The following TTC12 variants were observed in gnomAD, a reference collection of about 807,000 sequenced individuals.
TTC12 encodes tetratricopeptide repeat domain 12, also known as tetratricopeptide repeat protein 12.
In TTC12, 70 loss-of-function variants were observed where a neutral mutation model predicts 90.1. That is an observed-to-expected ratio of 0.78 (90% CI 0.64 to 0.95). The LOEUF (loss-of-function observed/expected upper bound fraction) is 0.95. TTC12 is among the 40% of genes least tolerant of loss of function. The pLI, the probability that TTC12 is intolerant of heterozygous loss-of-function variation, is 0.00. For synonymous variants in TTC12, 296 were observed against 311.5 expected, an observed-to-expected ratio of 0.95 and a Z score of 0.53; for missense variants, 819 against 846.1, an observed-to-expected ratio of 0.97 and a Z score of 0.40.
chr11:113,317,783 T>G (rs1947036207), intron 2 of TTC12, among the ~76,000 whole-genome samples: 1 of 148,788 alleles, frequency 6.7e-6, no homozygotes, highest in Non-Finnish European at 1.5e-5. Flanking sequence ...TCTTTGCCAT[T>G]CCCACTGCCT....
intron 20 of TTC12, 78 bp downstream of exon 20, chr11:113,364,005 G>A (rs1950078463): frequency 1.1e-5 from 11 of 959,932 alleles, no homozygotes; most frequent in South Asian, 7.4e-5. Context: ...AACTGTGGTC[G>A]AGGAGGAACT....
At chr11:113,338,878 C>A in intron 9 of TTC12, 44 bp downstream of exon 9, 1 of 1,557,134 alleles carries the variant, frequency 6.4e-7, no homozygotes, top group Non-Finnish European at 8.9e-7. Flanking sequence ...ACTCCACCTC[C>A]CTCTGCCCCC....
intron 9 of TTC12, among the ~76,000 whole-genome samples, chr11:113,339,049 C>T (rs955862200): frequency 3.3e-5 from 5 of 152,178 alleles, no homozygotes; most frequent in Non-Finnish European, 7.3e-5. Context: ...TCATTTTCTA[C>T]ACCATCCTCC....
intron 12 of TTC12, 55 bp from the exon 13 acceptor site, chr11:113,344,217 C>A (rs2138008396): frequency 2.6e-6 from 4 of 1,549,836 alleles, no homozygotes; most frequent in African/African-American, 2.7e-5. Context: ...GGTGACAGAG[C>A]TAGTTTAATT....
chr11:113,337,308 A>G (rs922576723), intron 8 of TTC12, among the ~76,000 whole-genome samples: 11 of 152,266 alleles, frequency 7.2e-5, no homozygotes, highest in Admixed American at 2.0e-4. Flanking sequence ...AAGGGTGACC[A>G]GGAGACAAAA....
intron 6 of TTC12, among the ~76,000 whole-genome samples, chr11:113,328,162 G>T (rs561557839): frequency 6.6e-6 from 1 of 152,278 alleles, no homozygotes; most frequent in East Asian, 1.9e-4. Context: ...CCCTGGAAAA[G>T]CCACCACTCC....
rs146913993 is a variant in TTC12, at chr11:113,323,723, G to A, written c.223-271G>A. 4.5e-4 allele frequency among the ~76,000 whole-genome samples: 69 copies of A among 152,112 alleles called. No homozygotes were observed. In the East Asian group the frequency reaches 0.013, roughly 28 times the overall value. On this transcript the variant is annotated intron_variant, in intron 3 of 21. Transcript: ENST00000529221. ...ATTTAAGCTGTACCTTTAAGGTAAT[G>A]TATTCTAACTCATTTCCAACTCATA...
intron 14 of TTC12, 75 bp from the exon 15 acceptor site, chr11:113,351,164 A>G (rs1591599246): frequency 2.2e-6 from 3 of 1,390,540 alleles, no homozygotes; most frequent in Non-Finnish European, 3.1e-6. Flanking sequence ...TGCAACATTA[A>G]CTATCTGAGA....
At chr11:113,334,548 A>G (rs1185945156) in intron 7 of TTC12, among the ~76,000 whole-genome samples, 1 of 151,958 alleles carries the variant, frequency 6.6e-6, no homozygotes, top group African/African-American at 2.4e-5. Context: ...CTGCACATTT[A>G]CCTCACCTAG....
At chr11:113,315,965 G>A (rs1946912289) in intron 1 of TTC12, 1 of 257,910 alleles carries the variant, frequency 3.9e-6, no homozygotes, top group Non-Finnish European at 7.3e-6. Flanking sequence ...CTAAATCGCC[G>A]GGGTTGATGT....
At chr11:113,332,654 C>T (rs1433872506) in intron 7 of TTC12, among the ~76,000 whole-genome samples, 3 of 152,348 alleles carry the variant, frequency 2.0e-5, no homozygotes, top group East Asian at 1.9e-4. Context: ...GCTCAACTCT[C>T]ATCTCTGCAA....
chr11:113,322,162 C>T (rs1395882371), intron 2 of TTC12, among the ~76,000 whole-genome samples: 1 of 152,068 alleles, frequency 6.6e-6, no homozygotes, highest in Non-Finnish European at 1.5e-5. Flanking sequence ...TTATAATTTC[C>T]TTGAAGACTC....
At chr11:113,323,216 C>A in intron 2 of TTC12, 72 bp from the exon 3 acceptor site, 1 of 1,212,266 alleles carries the variant, frequency 8.2e-7, no homozygotes, top group Non-Finnish European at 1.1e-6. Context: ...GCATTTTATG[C>A]ACCATCCTTT....
chr11:113,371,218 G>A (rs1263847589), downstream of TTC12, among the ~76,000 whole-genome samples: 1 of 152,056 alleles, frequency 6.6e-6, no homozygotes, highest in African/African-American at 2.4e-5. Flanking sequence ...CCAAAGCCCT[G>A]GGATGCTCAG....
At chr11:113,333,944 T>C (rs1397862928) in intron 7 of TTC12, among the ~76,000 whole-genome samples, 2 of 152,216 alleles carry the variant, frequency 1.3e-5, no homozygotes, top group African/African-American at 4.8e-5. Context: ...AATACTCTGT[T>C]ACCCAGAGCC....
intron 4 of TTC12, 124 bp from the exon 5 acceptor site, chr11:113,324,479 TGC>T: frequency 1.5e-6 from 1 of 662,576 alleles, no homozygotes; most frequent in Non-Finnish European, 2.6e-6. Context: ...ATGGTGTGTG[TGC>T]GTGTGTGTGC....
chr11:113,332,014 T>A (rs1948096289), intron 7 of TTC12, among the ~76,000 whole-genome samples: 1 of 152,264 alleles, frequency 6.6e-6, no homozygotes, highest in South Asian at 2.1e-4. Flanking sequence ...ACTCCATTAC[T>A]AATAGTATTA....
At chr11:113,348,316 A>G (rs782177038) in intron 13 of TTC12, among the ~76,000 whole-genome samples, 54 of 152,282 alleles carry the variant, frequency 3.5e-4, no homozygotes, top group South Asian at 6.2e-4. Context: ...CACCACATCC[A>G]TAAGATAGTA....
chr11:113,315,767 A>C (rs1217706137), intron 1 of TTC12, among the ~76,000 whole-genome samples: 1 of 152,248 alleles, frequency 6.6e-6, no homozygotes, highest in Non-Finnish European at 1.5e-5. Context: ...CTTCAGAAAC[A>C]AGCCAAAGGC....
Sources: gnomAD v4.1 joint callset for allele counts (sites outside exome capture counted in the v4.1 genomes callset) on GRCh38, gnomAD v4.1.1 for gene constraint, MANE v1.5 for transcripts, NCBI Gene and HGNC (gene_info 2026-07-23, HGNC 2026-07-21) for gene names.